Variants in DAB2IP observed in about 807,000 individuals in gnomAD.
DAB2IP encodes the protein DAB2 interacting protein.
DAB2IP carries 28 observed loss-of-function variants against 107.2 expected under a neutral mutation model. That is an observed-to-expected ratio of 0.26 (90% CI 0.19 to 0.36). The LOEUF is 0.36. Ranked by LOEUF, DAB2IP falls within the 10% of genes least tolerant of loss-of-function variation. DAB2IP has a pLI of 1.00. For missense variants in DAB2IP, 1,400 were observed against 1,644.7 expected, an observed-to-expected ratio of 0.85 and a Z score of 2.57; for synonymous variants, 755 against 706.4, an observed-to-expected ratio of 1.07 and a Z score of -1.09.
In DAB2IP at chr9:121,756,997, C is replaced by G; in HGVS notation, c.363-16C>G. 1 of 1,613,652 alleles carries G rather than the reference C, an allele frequency of 6.2e-7. No homozygotes were observed. The highest frequency in any genetic ancestry group is 1.1e-5 in the South Asian group (1 of 91,058). On this transcript the variant is annotated splice_polypyrimidine_tract_variant and intron_variant, in intron 3 of 15. Coordinates refer to ENST00000408936, the Ensembl canonical transcript of DAB2IP. ...GGGCTGTGGGGGCCCACCTGACACACCTACTGCCACCCCAGGTCCCATCTG... is the reference window on the plus strand; with the variant it reads ...GGGCTGTGGGGGCCCACCTGACACAGCTACTGCCACCCCAGGTCCCATCTG...
In DAB2IP at chr9:121,782,805, G is replaced by C; in HGVS notation, c.*307G>C. The C allele has an allele frequency of 8.2e-7, 1 of 1,219,306 alleles. No individual in the cohort carries two copies. The highest frequency in any genetic ancestry group is 4.2e-5 in the East Asian group (1 of 23,744). 75.5% of individuals were successfully genotyped at this position (1,219,306 alleles called of 1,614,324 possible). A position where few individuals can be genotyped will look rare whatever the true frequency, so the allele number is the denominator to read the frequency against. ...ATATGTCTGTTGGTTCCTGAATGTG[G>C]TGTGTCCTTGTCCTCCTGGATCTGG... is the stretch of plus-strand genomic sequence containing the variant. On this transcript the variant is annotated 3_prime_UTR_variant, in exon 16 of 16. Coordinates refer to ENST00000408936, the Ensembl canonical transcript of DAB2IP. This position sits in a 1 kb window ranked among gnomAD's most constrained non-coding sequence, Gnocchi z 6.1.
In DAB2IP at chr9:121,699,385, G is replaced by A; in HGVS notation, c.289G>A (p.Asp97Asn). 6.7e-7 allele frequency: 1 copy of A among 1,482,420 alleles called. No homozygotes were observed. Among genetic ancestry groups the A allele is most frequent in the East Asian group, 3.0e-5 (1 of 33,730 alleles). The allele number at this position is 1,482,420 out of a possible 1,614,324, so 91.8% of individuals were successfully genotyped here. A position where few individuals can be genotyped will look rare whatever the true frequency, so the allele number is the denominator to read the frequency against. The change falls in exon 3 of 16, where the codon GAC (aspartate) becomes AAC (asparagine). Residue 97 changes from aspartate to asparagine, a missense_variant. Transcript: ENST00000408936. The surrounding 1 kb of genome is among the most constrained non-coding windows in gnomAD (Gnocchi z 6.2). ...GCGCACCAAGAGCCAGCCCAAGCTG[G>A]ACCGCAACCACAGCTTCCGCCACAT...
At chr9:121,763,370 C>T (rs1216084222) in intron 6 of DAB2IP, 135 bp from the exon 7 acceptor site, 2 of 1,285,282 alleles carry the variant, frequency 1.6e-6, no homozygotes, top group East Asian at 5.0e-5. Flanking sequence ...GCACACTGTT[C>T]CTCTCCGGGA....
chr9:121,667,570 A>C (rs1833497601), intron 1 of DAB2IP, among the ~76,000 whole-genome samples: 1 of 151,974 alleles, frequency 6.6e-6, no homozygotes, highest in Non-Finnish European at 1.5e-5. Context: ...AGCTCACTGC[A>C]ACCTCTGCCT....
At chr9:121,655,951 A>G (rs1589460903) in intron 1 of DAB2IP, among the ~76,000 whole-genome samples, 1 of 151,538 alleles carries the variant, frequency 6.6e-6, no homozygotes, top group Non-Finnish European at 1.5e-5. Context: ...AACCAAGAGA[A>G]CAGTTAGGTA....
intron 3 of DAB2IP, among the ~76,000 whole-genome samples, chr9:121,750,271 C>T (rs1428357620): frequency 6.6e-6 from 1 of 152,244 alleles, no homozygotes; most frequent in Admixed American, 6.5e-5. Flanking sequence ...GCCCTCTGTC[C>T]TCCTGCCCGC....
intron 3 of DAB2IP, among the ~76,000 whole-genome samples, chr9:121,717,169 A>G (rs1297406504): frequency 1.3e-5 from 2 of 152,194 alleles, no homozygotes; most frequent in Non-Finnish European, 2.9e-5. Flanking sequence ...TCATGGTAGG[A>G]ATTACCAACT....
At chr9:121,670,125 C>T (rs1833617031) in intron 1 of DAB2IP, among the ~76,000 whole-genome samples, 1 of 152,206 alleles carries the variant, frequency 6.6e-6, no homozygotes, top group South Asian at 2.1e-4. Flanking sequence ...TTTTCCATCT[C>T]TATTGCTTTA....
chr9:121,637,719 G>A (rs1240594748), intron 1 of DAB2IP, among the ~76,000 whole-genome samples: 2 of 152,214 alleles, frequency 1.3e-5, no homozygotes, highest in Non-Finnish European at 2.9e-5. Context: ...TTTCTCCCGG[G>A]AGAGGCCCAG....
At chr9:121,768,567 C>T (rs749219360) in exon 10 of DAB2IP, 17 of 1,614,074 alleles carry the variant, frequency 1.1e-5, no homozygotes, top group African/African-American at 2.7e-5. Context: ...AGGGCTACAT[C>T]GACCTGGGCC....
intron 2 of DAB2IP, among the ~76,000 whole-genome samples, chr9:121,690,213 C>T (rs557717783): frequency 4.6e-5 from 7 of 152,172 alleles, no homozygotes; most frequent in Non-Finnish European, 1.0e-4. Flanking sequence ...AGACTCCAAA[C>T]GTGGTTTTCT....
intron 1 of DAB2IP, among the ~76,000 whole-genome samples, chr9:121,669,211 C>T (rs1055877320): frequency 5.3e-5 from 8 of 152,088 alleles, no homozygotes; most frequent in African/African-American, 9.7e-5. Flanking sequence ...GGATTACAGG[C>T]GTGAGCTACC....
At chr9:121,754,263 G>A (rs778972788) in intron 3 of DAB2IP, among the ~76,000 whole-genome samples, 4 of 152,246 alleles carry the variant, frequency 2.6e-5, no homozygotes, top group Non-Finnish European at 5.9e-5. Context: ...AGGGACCGAG[G>A]ACACTGTGTT....
intron 1 of DAB2IP, among the ~76,000 whole-genome samples, chr9:121,569,404 G>A (rs747929131): frequency 3.9e-5 from 6 of 152,202 alleles, no homozygotes; most frequent in Non-Finnish European, 8.8e-5. Flanking sequence ...ATCCAGAAAG[G>A]CTTCCTGGCA....
intron 3 of DAB2IP, among the ~76,000 whole-genome samples, chr9:121,714,250 C>T (rs142341970): frequency 1.2e-4 from 19 of 152,210 alleles, no homozygotes; most frequent in Admixed American, 2.6e-4. Flanking sequence ...ATTTCTCCCA[C>T]TTAGAAAATC....
At chr9:121,744,610 A>G (rs1171952298) in intron 3 of DAB2IP, among the ~76,000 whole-genome samples, 1 of 152,162 alleles carries the variant, frequency 6.6e-6, no homozygotes, top group African/African-American at 2.4e-5. Flanking sequence ...TAGTTACTTA[A>G]AAGTTGGTGC....
Position 121,613,891 on chromosome 9 carries a change from G to A in DAB2IP, c.40+46663G>A, listed in dbSNP as rs193011479. Among the ~76,000 whole-genome samples, 404 of 152,278 alleles carry A rather than the reference G, an allele frequency of 2.7e-3. 5 individuals are homozygous for A. The highest frequency in any genetic ancestry group is 8.8e-3 in the African/African-American group (366 of 41,550). ...AGGCACAGGGAGAAGTCTTCAGATG[G>A]CAAGAAATCAGTGGCTCTTCTCCGC... On this transcript the variant is annotated intron_variant, in intron 1 of 16. Transcript: ENST00000259371.
chr9:121,705,267 T>C lies in DAB2IP; in HGVS notation c.362+5809T>C, dbSNP rs144700971. Among the ~76,000 whole-genome samples, 1,451 of 152,334 alleles carry C rather than the reference T, an allele frequency of 9.5e-3. 40 individuals are homozygous for C. The highest frequency in any genetic ancestry group is 0.058 in the Admixed American group (883 of 15,308). ...TGTCTGTGTACGTCTTTTGTATGTG[T>C]TGCAAGTGTGCACCTGTCCTCATGA... is the stretch of plus-strand genomic sequence containing the variant. On this transcript the variant is annotated intron_variant, in intron 3 of 15. Coordinates refer to ENST00000408936, the Ensembl canonical transcript of DAB2IP.
At chr9:121,572,622 A>C (rs567467573) in intron 1 of DAB2IP, among the ~76,000 whole-genome samples, 12 of 152,244 alleles carry the variant, frequency 7.9e-5, no homozygotes, top group Admixed American at 3.3e-4. Flanking sequence ...GGCCTGGACC[A>C]AGTCCCTGCC....
Sources: gnomAD v4.1 joint callset for allele counts (sites outside exome capture counted in the v4.1 genomes callset) on GRCh38, gnomAD v4.1.1 for gene constraint, Gnocchi (gnomAD v3.1) non-coding constraint, MANE v1.5 for transcripts, NCBI Gene and HGNC (gene_info 2026-07-23, HGNC 2026-07-21) for gene names.